MITF: variants seen among roughly 807,000 people sequenced by gnomAD.
MITF encodes the protein microphthalmia-associated transcription factor.
In MITF, 17 loss-of-function variants were observed where a neutral mutation model predicts 60.5. The ratio of observed to expected loss-of-function variants is 0.28; its 90% confidence interval spans 0.19 to 0.42. The LOEUF is 0.42. Ranked by LOEUF, MITF falls within the 10% of genes least tolerant of loss-of-function variation. The probability of loss-of-function intolerance (pLI) is 1.00; values close to 1 mark genes in which losing one functional copy is unlikely to be tolerated. For missense variants in MITF, 622 were observed against 683.5 expected, an observed-to-expected ratio of 0.91 and a Z score of 1.00; for synonymous variants, 260 against 248.5, an observed-to-expected ratio of 1.05 and a Z score of -0.43.
chr3:69,904,395 T>A (rs1424168292), intron 2 of MITF, among the ~76,000 whole-genome samples: 1 of 152,180 alleles, frequency 6.6e-6, no homozygotes, highest in African/African-American at 2.4e-5. Context: ...CTGACTAGCA[T>A]GAAAAATAGT....
chr3:69,919,476 C>T (rs1362921571), intron 2 of MITF, among the ~76,000 whole-genome samples: 1 of 152,096 alleles, frequency 6.6e-6, no homozygotes, highest in Non-Finnish European at 1.5e-5. Context: ...GCCATTGAAG[C>T]ATTAGGATTA....
intron 1 of MITF, among the ~76,000 whole-genome samples, chr3:69,843,148 T>C (rs75533294): frequency 0.023 from 3,484 of 152,260 alleles, 127 homozygotes; most frequent in African/African-American, 0.079. Flanking sequence ...TCAATACTTA[T>C]GAAATGCTGC....
At chr3:69,839,710 C>G (rs1316826054) in intron 1 of MITF, among the ~76,000 whole-genome samples, 1 of 151,368 alleles carries the variant, frequency 6.6e-6, no homozygotes. Flanking sequence ...AACCGACTTT[C>G]CATTCATTAA....
chr3:69,878,435 A>T (rs1350254712), intron 1 of MITF, among the ~76,000 whole-genome samples: 2 of 152,176 alleles, frequency 1.3e-5, no homozygotes, highest in Non-Finnish European at 2.9e-5. Context: ...AACACATTGT[A>T]ACATAGTAGA....
chr3:69,817,326 A>T (rs2063196942), intron 1 of MITF, among the ~76,000 whole-genome samples: 1 of 152,150 alleles, frequency 6.6e-6, no homozygotes, highest in Non-Finnish European at 1.5e-5. Flanking sequence ...CTATAAGTCT[A>T]ATCTGTTAAC....
intron 2 of MITF, among the ~76,000 whole-genome samples, chr3:69,904,234 C>A (rs2065051196): frequency 6.6e-6 from 1 of 152,050 alleles, no homozygotes. Flanking sequence ...TGGGGATACA[C>A]TAGTGAACAA....
chr3:69,964,202 T>C (rs1241500911), intron 9 of MITF, among the ~76,000 whole-genome samples: 1 of 152,082 alleles, frequency 6.6e-6, no homozygotes. Flanking sequence ...GATCTCAAAC[T>C]CCTGACCTCA....
intron 1 of MITF, among the ~76,000 whole-genome samples, chr3:69,759,785 C>CT (rs371499099): frequency 2.4e-4 from 36 of 149,634 alleles, no homozygotes; most frequent in African/African-American, 6.1e-4. Flanking sequence ...TGATCGCTCT[C>CT]TTTTTTTTTT....
chr3:69,951,093 CTTTTTTTTTT>C (rs527693480), intron 6 of MITF, among the ~76,000 whole-genome samples: 1 of 108,960 alleles, frequency 9.2e-6, no homozygotes, highest in Admixed American at 1.0e-4. Flanking sequence ...AATTTGGCAG[CTTTTTTTTTT>C]TTTTTTTTTT....
chr3:69,870,444 T>A (rs1210599490), intron 1 of MITF, among the ~76,000 whole-genome samples: 3 of 148,316 alleles, frequency 2.0e-5, no homozygotes, highest in African/African-American at 7.4e-5. Flanking sequence ...ATATATATTT[T>A]TTTTTTTTTG....
chr3:69,965,030 A>T lies in MITF; in HGVS notation c.1363A>T (p.Ile455Phe), dbSNP rs1269796000. 6.2e-7 allele frequency: 1 copy of T among 1,614,144 alleles called. No individual in the cohort carries two copies. The stretch of plus-strand genomic sequence containing the variant: ...AACTCTCGATCTCACGGATGGCACC[A>T]TCACCTTCAACAACAACCTCGGAAC... ...TTTLDLTDGTITFNNNLGTGT... is the reference protein window; with the variant it reads ...TTTLDLTDGTFTFNNNLGTGT... Residue 455 changes from isoleucine to phenylalanine, a missense_variant, in exon 10 of 10, where the codon ATC becomes TTC. This residue lies in a region of MITF where 224 missense variants were observed against 209.5 expected (regional missense o/e 1.07). Transcript: ENST00000352241.
rs552955168 is a variant in MITF, at chr3:69,940,652, C to T, written c.667-584C>T. On this transcript the variant is annotated intron_variant, in intron 4 of 9. Coordinates refer to ENST00000352241, the MANE Select transcript of MITF (RefSeq NM_001354604.2). ...CAGGGATAGCCAGTGGCCTGGGAGC[C>T]ACAGTGTCCACACTTCCCTGTGGAA... Among the ~76,000 whole-genome samples the T allele has an allele frequency of 1.6e-3, 249 of 152,258 alleles. 2 individuals carry two copies. Among genetic ancestry groups the T allele is most frequent in the Non-Finnish European group, 2.6e-3 (174 of 68,012 alleles).
intron 5 of MITF, among the ~76,000 whole-genome samples, chr3:69,946,440 C>T (rs2066098141): frequency 6.6e-6 from 1 of 152,078 alleles, no homozygotes; most frequent in South Asian, 2.1e-4. Context: ...TGATACTCTC[C>T]CCACCCCCAG....
At chr3:69,872,382 C>A (rs1423133852) in intron 1 of MITF, among the ~76,000 whole-genome samples, 1 of 151,924 alleles carries the variant, frequency 6.6e-6, no homozygotes, top group African/African-American at 2.4e-5. Flanking sequence ...GAGCATTGTT[C>A]GTATGTTACA....
rs1274817267 is a variant in MITF at position 69,965,130 on chromosome 3, A to G, written c.1463A>G (p.Asp488Gly). The G allele has an allele frequency of 1.9e-6, 3 of 1,613,980 alleles. No homozygotes were observed. The highest frequency in any genetic ancestry group is 1.7e-6 in the Non-Finnish European group (2 of 1,180,040). Residue 488 changes from aspartate (D) to glycine (G), a missense_variant, in exon 10 of 10, where the codon GAC becomes GGC. Physicochemically the swap from Asp to Gly is moderately conservative, Grantham distance 94. Coordinates refer to ENST00000352241, the MANE Select transcript of MITF (RefSeq NM_001354604.2). Reference protein sequence around the residue: ...GSKLEDILMDDTLSPVGVTDP... With the variant: ...GSKLEDILMDGTLSPVGVTDP... ...AAACTGGAAGACATCCTGATGGACG[A>G]CACCCTTTCTCCCGTCGGTGTCACT...
chr3:69,778,487 G>T (rs186424331), intron 1 of MITF, among the ~76,000 whole-genome samples: 3 of 152,104 alleles, frequency 2.0e-5, no homozygotes, highest in African/African-American at 7.2e-5. Context: ...AATCACTGCC[G>T]TTGTTTAGTG....
At chr3:69,831,318 A>G (rs9819504) in intron 1 of MITF, among the ~76,000 whole-genome samples, 52,672 of 151,942 alleles carry the variant, frequency 0.35, 10,051 homozygotes, top group Non-Finnish European at 0.43. Flanking sequence ...AAAATCCTCG[A>G]CAGGGTTAAG....
At chr3:69,885,852 G>A (rs948281033) in intron 2 of MITF, among the ~76,000 whole-genome samples, 5 of 152,020 alleles carry the variant, frequency 3.3e-5, no homozygotes, top group African/African-American at 1.2e-4. Context: ...TATTCTGTCT[G>A]GTCTGTGTCT....
chr3:69,801,184 G>C (rs768536481), intron 1 of MITF, among the ~76,000 whole-genome samples: 1 of 151,860 alleles, frequency 6.6e-6, no homozygotes, highest in Non-Finnish European at 1.5e-5. Context: ...CGTTAGCCAA[G>C]CTCATTTTGT....
Sources: allele counts gnomAD v4.1 joint callset (sites outside exome capture counted in the v4.1 genomes callset), GRCh38; gene constraint gnomAD v4.1.1; regional missense constraint gnomAD v4.1.1; transcripts MANE v1.5; gene names NCBI Gene and HGNC (gene_info 2026-07-23, HGNC 2026-07-21).